SLC7A7: variants seen among roughly 807,000 people sequenced by gnomAD.
The protein encoded by SLC7A7 is solute carrier family 7 member 7, also known as Y+L amino acid transporter 1.
In SLC7A7, 39 loss-of-function variants were observed where a neutral mutation model predicts 47.9. That is an observed-to-expected ratio of 0.81 (90% confidence interval 0.63 to 1.06). SLC7A7 has a LOEUF of 1.06. Ranked by LOEUF, SLC7A7 falls within the 50% of genes least tolerant of loss-of-function variation. The pLI is 0.00. For synonymous variants in SLC7A7, 234 were observed against 242.8 expected, an observed-to-expected ratio of 0.96 and a Z score of 0.34; for missense variants, 588 against 632.0, an observed-to-expected ratio of 0.93 and a Z score of 0.75.
chr14:22,774,540 C>G, intron 7 of SLC7A7, 37 bp from the exon 8 acceptor site: 2 of 1,613,960 alleles, frequency 1.2e-6, no homozygotes, highest in Non-Finnish European at 1.7e-6. Context: ...TTCTCAGGGC[C>G]TTTGTTAATC....
Position 22,773,615 on chromosome 14 carries a change from T to C in SLC7A7, c.1531A>G (p.Asn511Asp), listed in dbSNP as rs939220912. The C allele has an allele frequency of 5.6e-6, 9 of 1,613,290 alleles. No individual in the cohort carries two copies. Among genetic ancestry groups the C allele is most frequent in the Non-Finnish European group, 7.6e-6 (9 of 1,179,174 alleles). The change falls in exon 10 of 10, where the codon AAC (asparagine) becomes GAC (aspartate). Residue 511 changes from asparagine to aspartate, a missense_variant. Transcript: ENST00000674313. ...EMPKQRDPKSN is the reference protein window; with the variant it reads ...EMPKQRDPKSD Reference sequence around the variant, plus strand: ...ATCAGGATTCCAGATGGTGTTTAGTTAGATTTGGGATCCCGTTGCTTGGGC... The same window carrying C: ...ATCAGGATTCCAGATGGTGTTTAGTCAGATTTGGGATCCCGTTGCTTGGGC...
chr14:22,777,006 G>A (rs1228700256), intron 4 of SLC7A7, among the ~76,000 whole-genome samples: 2 of 151,250 alleles, frequency 1.3e-5, no homozygotes, highest in Non-Finnish European at 2.9e-5. Context: ...AGCCAAGCGT[G>A]GTGGTGCATG....
intron 2 of SLC7A7, among the ~76,000 whole-genome samples, chr14:22,787,506 C>A (rs2038838390): frequency 6.6e-6 from 1 of 151,944 alleles, no homozygotes; most frequent in African/African-American, 2.4e-5. Flanking sequence ...AATCCCAACA[C>A]TTTGGGAGGC....
At chr14:22,795,462 CTTTTCTTTTCTTTT>C (rs1366314743) in intron 2 of SLC7A7, among the ~76,000 whole-genome samples, 1 of 73,296 alleles carries the variant, frequency 1.4e-5, no homozygotes, top group African/African-American at 7.4e-5. Flanking sequence ...CTTTTCTTTT[CTTTTCTTTTCTTTT>C]CTTTTCTTTT....
intron 2 of SLC7A7, among the ~76,000 whole-genome samples, chr14:22,783,941 T>G (rs1594953005): frequency 1.3e-5 from 2 of 152,134 alleles, no homozygotes; most frequent in African/African-American, 4.8e-5. Flanking sequence ...AAGCCTAGCT[T>G]CCTCCAGGGC....
At chr14:22,817,076 T>A (rs1201424210), upstream of SLC7A7, among the ~76,000 whole-genome samples, 1 of 151,754 alleles carries the variant, frequency 6.6e-6, no homozygotes, top group Non-Finnish European at 1.5e-5. Flanking sequence ...AAGTATACTA[T>A]CTCTCCATCT....
chr14:22,803,386 C>T (rs917083975), intron 2 of SLC7A7, among the ~76,000 whole-genome samples: 1 of 152,058 alleles, frequency 6.6e-6, no homozygotes, highest in Non-Finnish European at 1.5e-5. Flanking sequence ...CCATTGCACT[C>T]CAGCCTGGGC....
At chr14:22,790,880 C>T (rs1233059862) in intron 2 of SLC7A7, among the ~76,000 whole-genome samples, 2 of 151,884 alleles carry the variant, frequency 1.3e-5, no homozygotes, top group African/African-American at 4.8e-5. Context: ...CGCCTGTAGT[C>T]CCAGCTACTG....
At chr14:22,810,766 T>C (rs1450682821) in intron 2 of SLC7A7, among the ~76,000 whole-genome samples, 1 of 152,080 alleles carries the variant, frequency 6.6e-6, no homozygotes. Flanking sequence ...TCACCTGAGG[T>C]CGGGAGTTCA....
intron 2 of SLC7A7, among the ~76,000 whole-genome samples, chr14:22,803,053 A>G (rs2039142967): frequency 6.6e-6 from 1 of 152,208 alleles, no homozygotes; most frequent in African/African-American, 2.4e-5. Flanking sequence ...TGAGTAAAAC[A>G]AAGTCCTTAT....
chr14:22,779,473 G>C (rs984683807), intron 3 of SLC7A7, among the ~76,000 whole-genome samples: 4 of 151,268 alleles, frequency 2.6e-5, no homozygotes, highest in African/African-American at 4.9e-5. Flanking sequence ...TTTTGGGGGG[G>C]GGACAGAGTC....
At chr14:22,804,445 A>C (rs754439253) in intron 2 of SLC7A7, among the ~76,000 whole-genome samples, 9 of 152,202 alleles carry the variant, frequency 5.9e-5, no homozygotes, top group Non-Finnish European at 1.3e-4. Context: ...AATGGGAGAA[A>C]ATTTTTGCAA....
chr14:22,786,815 G>C (rs956573191), intron 2 of SLC7A7, among the ~76,000 whole-genome samples: 1 of 151,710 alleles, frequency 6.6e-6, no homozygotes, highest in African/African-American at 2.4e-5. Context: ...ACACACCTGT[G>C]GTCCCAGCTA....
At chr14:22,805,717 A>G (rs2039190300) in intron 2 of SLC7A7, among the ~76,000 whole-genome samples, 1 of 152,200 alleles carries the variant, frequency 6.6e-6, no homozygotes, top group South Asian at 2.1e-4. Context: ...ATCATGGCAC[A>G]TGTTTACCTA....
upstream of SLC7A7, chr14:22,819,608 G>C (rs915336778): frequency 6.6e-6 from 1 of 152,076 alleles, no homozygotes; most frequent in Non-Finnish European, 1.5e-5. Flanking sequence ...TTCCCCTCTC[G>C]CCCATTGTCC....
chr14:22,789,350 G>A (rs2038881946), intron 2 of SLC7A7, among the ~76,000 whole-genome samples: 4 of 152,092 alleles, frequency 2.6e-5, no homozygotes, highest in Admixed American at 6.6e-5. Context: ...CAGGCGCAGT[G>A]GCTCATGCCT....
chr14:22,778,644 T>C (rs2038659395), intron 4 of SLC7A7, 149 bp downstream of exon 4: 3 of 757,748 alleles, frequency 4.0e-6, no homozygotes, highest in African/African-American at 1.8e-5. Context: ...ATAGACAAGT[T>C]ACTTCTCTGA....
At chr14:22,804,075 T>C (rs534536490) in intron 2 of SLC7A7, among the ~76,000 whole-genome samples, 1 of 152,284 alleles carries the variant, frequency 6.6e-6, no homozygotes, top group South Asian at 2.1e-4. Flanking sequence ...ACACACCTTC[T>C]GGTCATTAGA....
At chr14:22,777,793 G>C (rs2038642976) in intron 4 of SLC7A7, among the ~76,000 whole-genome samples, 1 of 152,218 alleles carries the variant, frequency 6.6e-6, no homozygotes, top group Admixed American at 6.5e-5. Flanking sequence ...TTTACAGAAA[G>C]CTGGGCACAG....
Sources: gnomAD v4.1 joint callset for allele counts (sites outside exome capture counted in the v4.1 genomes callset) on GRCh38, gnomAD v4.1.1 for gene constraint, MANE v1.5 for transcripts, NCBI Gene and HGNC (gene_info 2026-07-23, HGNC 2026-07-21) for gene names.